The following ASCC2 variants were observed in gnomAD, a reference collection of about 807,000 sequenced individuals.
ASCC2 encodes ASC-1 complex subunit P100.
ASCC2 carries 42 observed loss-of-function variants against 93.5 expected under a neutral mutation model. That is an observed-to-expected ratio of 0.45 (90% CI 0.35 to 0.58). The LOEUF is 0.58. Among genes scored for constraint, ASCC2 ranks in the 20% least tolerant of loss-of-function variants. The pLI, the probability that ASCC2 is intolerant of heterozygous loss-of-function variation, is 0.00. For synonymous variants in ASCC2, 364 were observed against 384.2 expected (o/e 0.95, Z 0.62); for missense variants, 859 against 977.6 (o/e 0.88, Z 1.62).
chr22:29,814,837 G>T, intron 6 of ASCC2, 70 bp from the exon 7 acceptor site: 1 of 1,301,898 alleles, frequency 7.7e-7, no homozygotes, highest in East Asian at 2.4e-5. Flanking sequence ...CAGCAGCCAG[G>T]GTCAGGTGAT....
intron 12 of ASCC2, among the ~76,000 whole-genome samples, 197 bp downstream of exon 12, chr22:29,806,019 C>T (rs978100992): frequency 1.3e-5 from 2 of 152,040 alleles, no homozygotes; most frequent in Admixed American, 6.6e-5. Context: ...ACTGCATCTC[C>T]CCTGCCCCAA....
chr22:29,816,008 G>C lies in ASCC2; in HGVS notation c.607C>G (p.Gln203Glu). 1.3e-6 allele frequency: 2 copies of C among 1,590,280 alleles called. No homozygotes were observed. The highest frequency in any genetic ancestry group is 1.1e-5 in the South Asian group (1 of 87,026). The change falls in exon 6 of 20, where the codon CAG becomes GAG. Residue 203 changes from glutamine (Q) to glutamate (E), a missense_variant and splice_region_variant. Physicochemically the swap from Gln to Glu is conservative, Grantham distance 29. Transcript: ENST00000307790. ...DLDETLPTIL[Q>E]VFSNILQHCG... ...TGCGCAGGGCCAAGAGCTGGTACCT[G>C]AAGGATGGTAGGCAGGGTTTCATCC...
chr22:29,814,627 GA>G (rs769854617), intron 7 of ASCC2, 29 bp downstream of exon 7: 2 of 1,556,918 alleles, frequency 1.3e-6, no homozygotes, highest in Non-Finnish European at 1.7e-6. Context: ...GACCCGGCAG[GA>G]AAGAGACTGG....
chr22:29,793,406 C>T lies in ASCC2; in HGVS notation c.1873G>A (p.Val625Met), dbSNP rs375464148. The T allele has an allele frequency of 5.0e-6, 8 of 1,613,914 alleles. No individual in the cohort carries two copies. In the East Asian group the frequency reaches 1.6e-4, roughly 31 times the overall value. The part of the protein sequence containing the change: ...EYDDTYDGNQ[V>M]GANDADSDDE... Reference sequence around the variant, plus strand: ...TCAGAGTCTGCATCATTGGCGCCCACCTGGTTGCCATCGTATGTGTCATCG... The same window carrying T: ...TCAGAGTCTGCATCATTGGCGCCCATCTGGTTGCCATCGTATGTGTCATCG... Residue 625 changes from valine to methionine, a missense_variant, in exon 17 of 20, where the codon GTG becomes ATG. Val to Met is a conservative substitution (Grantham distance 21, BLOSUM62 1). Transcript: ENST00000307790.
At chr22:29,836,588 T>C (rs990203854) in intron 1 of ASCC2, 2 of 151,554 alleles carry the variant, frequency 1.3e-5, no homozygotes, top group African/African-American at 4.8e-5. Context: ...TGAGATGGAG[T>C]CTCACTCTGT....
Position 29,825,475 on chromosome 22 carries a change from G to T in ASCC2, c.240+147C>A. ...AACATTAAGATTGTGATACAAGACA[G>T]AGCAATCCGAACCACAATTTGCTGT... is the stretch of plus-strand genomic sequence containing the variant. On this transcript the variant is annotated intron_variant, in intron 3 of 19. Coordinates refer to ENST00000307790, the MANE Select transcript of ASCC2 (RefSeq NM_032204.5). This position sits in a 1 kb window ranked among gnomAD's most constrained non-coding sequence, Gnocchi z 4.9. The T allele has an allele frequency of 8.1e-7, 1 of 1,232,622 alleles. No homozygotes were observed. The highest frequency in any genetic ancestry group is 1.2e-6 in the Non-Finnish European group (1 of 865,158). The allele number at this position is 1,232,622 out of a possible 1,614,324, so 76.4% of individuals were successfully genotyped here. A position where few individuals can be genotyped will look rare whatever the true frequency, so the allele number is the denominator to read the frequency against.
At position 29,807,927 on chromosome 22, in the gene ASCC2, C is replaced by CA. The variant is rs892763289; in HGVS notation, c.908+183dup. ...CTGTCTCAAACAACAACAACAACAA[C>CA]AAAAAAAAAAACAAATGCAGAGGTC... is the stretch of plus-strand genomic sequence containing the variant. On this transcript the variant is annotated intron_variant, in intron 9 of 19. Transcript: ENST00000307790. Among the ~76,000 whole-genome samples the CA allele has an allele frequency of 6.8e-3, 988 of 145,260 alleles. 5 individuals carry two copies. The highest frequency in any genetic ancestry group is 0.017 in the African/African-American group (673 of 39,554).
Position 29,793,431 on chromosome 22 carries a change from G to A in ASCC2, c.1848C>T (p.Tyr616=), listed in dbSNP as rs745367051. 31 of 1,613,996 alleles carry A rather than the reference G, an allele frequency of 1.9e-5. No individual in the cohort carries two copies. The highest frequency in any genetic ancestry group is 4.5e-5 in the East Asian group (2 of 44,888). The change falls in exon 17 of 20, where the codon TAC becomes TAT. Residue 616 remains tyrosine (Y), a synonymous_variant. Transcript: ENST00000307790. ...PYHSVYYEDE[Y]DDTYDGNQVG... ...CCTGGTTGCCATCGTATGTGTCATC[G>A]TACTCATCCTCGTAGTAGACACTGT...
chr22:29,827,757 G>GACACAC (rs35763537), intron 2 of ASCC2, among the ~76,000 whole-genome samples: 28,746 of 100,770 alleles, frequency 0.29, 5,335 homozygotes, highest in East Asian at 0.53. Flanking sequence ...TCATTCTCCC[G>GACACAC]ACACACACAC....
intron 15 of ASCC2, among the ~76,000 whole-genome samples, chr22:29,797,890 C>A (rs958154411): frequency 1.3e-5 from 2 of 152,206 alleles, no homozygotes; most frequent in African/African-American, 2.4e-5. Flanking sequence ...CTCAGCCTCC[C>A]GAGTAACTGA....
chr22:29,804,901 C>G, intron 12 of ASCC2, 71 bp from the exon 13 acceptor site: 11 of 1,524,234 alleles, frequency 7.2e-6, no homozygotes, highest in Non-Finnish European at 9.9e-6. Context: ...CAGTCCCTCC[C>G]CAGCATCTGA....
chr22:29,831,159 T>C (rs542909769), intron 2 of ASCC2, among the ~76,000 whole-genome samples: 6 of 152,228 alleles, frequency 3.9e-5, no homozygotes, highest in African/African-American at 9.6e-5. Context: ...TGACCACCTA[T>C]TGGGTGGCTA....
At chr22:29,807,201 A>C (rs1476676825) in intron 9 of ASCC2, among the ~76,000 whole-genome samples, 1 of 140,062 alleles carries the variant, frequency 7.1e-6, no homozygotes, top group African/African-American at 2.8e-5. Context: ...TGATGGTGCC[A>C]TTCCAGCCTG....
intron 4 of ASCC2, among the ~76,000 whole-genome samples, chr22:29,823,982 GGA>G (rs2061944037): frequency 2.0e-5 from 3 of 152,248 alleles, no homozygotes; most frequent in South Asian, 4.1e-4. Context: ...CTTGAGGCCA[GGA>G]ATTCAAAACC....
chr22:29,825,884 C>T lies in ASCC2; in HGVS notation c.82-104G>A. The T allele has an allele frequency of 7.3e-7, 1 of 1,377,002 alleles. No homozygotes were observed. The allele number at this position is 1,377,002 out of a possible 1,614,324, so 85.3% of individuals were successfully genotyped here. On this transcript the variant is annotated intron_variant, in intron 2 of 19. Coordinates refer to ENST00000307790, the MANE Select transcript of ASCC2 (RefSeq NM_032204.5). The surrounding 1 kb of genome is among the most constrained non-coding windows in gnomAD (Gnocchi z 4.9). ...ACACTTGGCTGTTCCAACCGGTGAC[C>T]CTCCAAGGAGCTTTTAAGCATAAAG... is the stretch of plus-strand genomic sequence containing the variant.
intron 5 of ASCC2, among the ~76,000 whole-genome samples, chr22:29,817,206 T>C (rs146558420): frequency 1.1e-4 from 16 of 152,162 alleles, no homozygotes; most frequent in African/African-American, 3.9e-4. Flanking sequence ...TCCAGATGGG[T>C]GCTGATCCCA....
At position 29,793,590 on chromosome 22, in the gene ASCC2, A is replaced by G. The variant is rs2058052019; in HGVS notation, c.1775T>C (p.Val592Ala). The G allele has an allele frequency of 6.2e-7, 1 of 1,612,402 alleles. No individual in the cohort carries two copies. The change falls in exon 16 of 20, where the codon GTG (valine) becomes GCG (alanine). Residue 592 changes from valine to alanine, a missense_variant. Physicochemically the swap from Val to Ala is moderately conservative, Grantham distance 64 (BLOSUM62 0). Transcript: ENST00000307790. ...AQRQRYEQYS[V>A]VVEEVPLQPG... Reference sequence around the variant, plus strand: ...TTGGTGGCCTACCTCCTCCACCACCACGCTGTACTGCTCGTAGCGCTGCCG... The same window carrying G: ...TTGGTGGCCTACCTCCTCCACCACCGCGCTGTACTGCTCGTAGCGCTGCCG...
intron 17 of ASCC2, 105 bp downstream of exon 17, chr22:29,793,255 G>C (rs2057998666): frequency 6.6e-7 from 1 of 1,506,284 alleles, no homozygotes; most frequent in African/African-American, 1.4e-5. Flanking sequence ...GGAGGACTGG[G>C]TTTGGGCCCT....
chr22:29,795,029 A>G (rs1244795285), intron 15 of ASCC2, among the ~76,000 whole-genome samples: 1 of 151,240 alleles, frequency 6.6e-6, no homozygotes, highest in African/African-American at 2.4e-5. Context: ...GGCTCAAGCG[A>G]TTCTCGTGCC....
Sources: gnomAD v4.1 joint callset for allele counts (sites outside exome capture counted in the v4.1 genomes callset) on GRCh38, gnomAD v4.1.1 for gene constraint, Gnocchi (gnomAD v3.1) non-coding constraint, MANE v1.5 for transcripts, NCBI Gene and HGNC (gene_info 2026-07-23, HGNC 2026-07-21) for gene names.